Variants in PRIM1 observed in about 807,000 individuals in gnomAD.
The protein encoded by PRIM1 is DNA primase small subunit.
A neutral mutation model predicts 60.2 loss-of-function variants in PRIM1; 38 were observed. The ratio of observed to expected loss-of-function variants is 0.63; its 90% confidence interval spans 0.49 to 0.83. The LOEUF (loss-of-function observed/expected upper bound fraction) is 0.83. PRIM1 is among the 40% of genes least tolerant of loss of function. The pLI is 0.00. For missense variants in PRIM1, 388 were observed against 506.2 expected (o/e 0.77, Z 2.24); for synonymous variants, 158 against 160.2 (o/e 0.99, Z 0.10).
intron 1 of PRIM1, chr12:56,751,883 C>T (rs1220039521): frequency 5.4e-6 from 1 of 184,794 alleles, no homozygotes; most frequent in Non-Finnish European, 1.1e-5. Flanking sequence ...CACGCTACGC[C>T]CCAGTAACCC....
chr12:56,746,722 G>A (rs2958130), intron 4 of PRIM1, 59 bp downstream of exon 4: 808,575 of 1,263,336 alleles, frequency 0.64, 272,734 homozygotes, highest in South Asian at 0.74. Context: ...ATAGTTAATA[G>A]TAGTCAGAGG....
chr12:56,744,121 A>G lies in PRIM1; in HGVS notation c.582T>C (p.Gly194=). 1.9e-6 allele frequency: 3 copies of G among 1,555,202 alleles called. No individual in the cohort carries two copies. Among genetic ancestry groups the G allele is most frequent in the Non-Finnish European group, 1.7e-6 (2 of 1,145,844 alleles). Residue 194 remains glycine (G), a splice_region_variant and synonymous_variant, in exon 6 of 13, where the codon GGT becomes GGC. Transcript: ENST00000338193. ...GAACTTTCTTTTTAACGTCTTGACC[A>G]CCCTGAAAAATAAATCATTAAAAAA... is the stretch of plus-strand genomic sequence containing the variant. The part of the protein sequence containing the change: ...GIVEYLSLVK[G]GQDVKKKVHL...
intron 11 of PRIM1, among the ~76,000 whole-genome samples, 199 bp downstream of exon 11, chr12:56,738,235 A>G (rs1953847241): frequency 6.6e-6 from 1 of 152,238 alleles, no homozygotes; most frequent in Non-Finnish European, 1.5e-5. Flanking sequence ...AAAGTTACTT[A>G]GGAAATATGT....
chr12:56,752,295 C>A lies in PRIM1; in HGVS notation c.4G>T (p.Glu2Ter). 1 of 1,574,764 alleles carries A rather than the reference C, an allele frequency of 6.4e-7. No homozygotes were observed. Among genetic ancestry groups the A allele is most frequent in the South Asian group, 1.2e-5 (1 of 86,098 alleles). The change falls in exon 1 of 13, where the codon GAG (glutamate) becomes TAG (stop). Residue 2 changes from glutamate to a stop codon, truncating the protein, a stop_gained. Transcript: ENST00000338193. LOFTEE classifies it high-confidence loss of function. ...GGCAGCTCGGTGGGGTCAAACGTCT[C>A]CATTGAGCGCGGAACTCGCCACGGT... M[E>*]TFDPTELPEL...
At chr12:56,738,296 G>A in intron 11 of PRIM1, 138 bp downstream of exon 11, 1 of 1,224,434 alleles carries the variant, frequency 8.2e-7, no homozygotes, top group Middle Eastern at 2.4e-4. Flanking sequence ...GTTGAAGAAA[G>A]GACACAAACA....
chr12:56,749,780 T>C (rs559762073), intron 2 of PRIM1, among the ~76,000 whole-genome samples: 9 of 152,326 alleles, frequency 5.9e-5, no homozygotes, highest in African/African-American at 1.4e-4. Context: ...TAACAAGTTA[T>C]ATAACATGAA....
chr12:56,741,626 AT>A (rs1953872682), intron 8 of PRIM1, 50 bp from the exon 9 acceptor site: 3 of 1,584,292 alleles, frequency 1.9e-6, no homozygotes, highest in Non-Finnish European at 2.6e-6. Flanking sequence ...ACTGTTGAAG[AT>A]TTCTTTAAAG....
At chr12:56,735,387 C>T (rs111787795) in intron 11 of PRIM1, among the ~76,000 whole-genome samples, 4,979 of 151,446 alleles carry the variant, frequency 0.033, 287 homozygotes, top group African/African-American at 0.11. Flanking sequence ...CGTGAGCCAC[C>T]GTGCCCGGCC....
chr12:56,743,881 A>G, intron 6 of PRIM1, 184 bp downstream of exon 6: 1 of 450,554 alleles, frequency 2.2e-6, no homozygotes, highest in Non-Finnish European at 3.9e-6. Context: ...TTTTTTGAAG[A>G]GCAATGAGAA....
rs1592334805 is a variant in PRIM1 at position 56,745,656 on chromosome 12, T to C, written c.579+389A>G. Among the ~76,000 whole-genome samples, 2 of 152,268 alleles carry C rather than the reference T, an allele frequency of 1.3e-5. 1 individual carries two copies. Among genetic ancestry groups the C allele is most frequent in the South Asian group, 4.1e-4 (2 of 4,830 alleles). The stretch of plus-strand genomic sequence containing the variant: ...TGTGAATGCCATTAAAGATAAGTTT[T>C]AGGCCAGTGTGGTGGCTCATGTCTG... On this transcript the variant is annotated intron_variant, in intron 5 of 12. Coordinates refer to ENST00000338193, the MANE Select transcript of PRIM1 (RefSeq NM_000946.3).
At chr12:56,737,852 G>A (rs1953844404) in intron 11 of PRIM1, among the ~76,000 whole-genome samples, 1 of 152,152 alleles carries the variant, frequency 6.6e-6, no homozygotes, top group African/African-American at 2.4e-5. Flanking sequence ...AGCTTCCCGA[G>A]TAGCTGGGAT....
intron 1 of PRIM1, chr12:56,751,699 T>C (rs1359695406): frequency 6.5e-6 from 1 of 153,112 alleles, no homozygotes; most frequent in Non-Finnish European, 1.5e-5. Flanking sequence ...TACCATTCCG[T>C]ATTTGCTAGG....
chr12:56,744,083 T>A lies in PRIM1; in HGVS notation c.620A>T (p.Lys207Ile). The change falls in exon 6 of 13, where the codon AAA becomes ATA. Residue 207 changes from lysine (K) to isoleucine (I), a missense_variant. By Grantham distance (102) the Lys-to-Ile change is moderately radical. Around this residue, in one of 3 missense-constraint regions of PRIM1, gnomAD observed 211 missense variants for 277.9 expected, o/e 0.76. Transcript: ENST00000338193. ...AACAGACCTGATAAAAGGGTGAATT[T>A]TTTCACTTAGGTGAACTTTCTTTTT... is the stretch of plus-strand genomic sequence containing the variant. Reference protein sequence around the residue: ...DVKKKVHLSEKIHPFIRKSIN... With the variant: ...DVKKKVHLSEIIHPFIRKSIN... 1 of 1,573,932 alleles carries A rather than the reference T, an allele frequency of 6.4e-7. No homozygotes were observed. Among genetic ancestry groups the A allele is most frequent in the Non-Finnish European group, 8.6e-7 (1 of 1,157,774 alleles).
chr12:56,735,728 G>A (rs1488126094), intron 11 of PRIM1, among the ~76,000 whole-genome samples: 3 of 149,034 alleles, frequency 2.0e-5, no homozygotes, highest in African/African-American at 5.0e-5. Context: ...TCGGCTTATT[G>A]CAACCTCCAC....
In PRIM1 at chr12:56,732,955, A is replaced by G. The variant is rs192953239; in HGVS notation, c.1243+1192T>C. Among the ~76,000 whole-genome samples, 389 of 151,470 alleles carry G rather than the reference A, an allele frequency of 2.6e-3. 5 individuals are homozygous for G. Among genetic ancestry groups the G allele is most frequent in the East Asian group, 0.018 (91 of 5,152 alleles). The stretch of plus-strand genomic sequence containing the variant: ...CTGCAACCTCCACCTCCCAGCTTCA[A>G]GTGATTCTCCTGCCTCAGCCTCCCA... On this transcript the variant is annotated intron_variant, in intron 12 of 12. Transcript: ENST00000338193.
At chr12:56,734,882 G>A (rs1388007202) in intron 11 of PRIM1, among the ~76,000 whole-genome samples, 1 of 148,780 alleles carries the variant, frequency 6.7e-6, no homozygotes, top group African/African-American at 2.5e-5. Context: ...TGCGATCTCG[G>A]CTTACTGCAA....
chr12:56,741,993 C>T (rs897621762), intron 7 of PRIM1, 156 bp from the exon 8 acceptor site: 1 of 746,250 alleles, frequency 1.3e-6, no homozygotes, highest in African/African-American at 1.7e-5. Context: ...TGGCTCATGC[C>T]TGTACTCCCA....
intron 5 of PRIM1, 138 bp downstream of exon 5, chr12:56,745,907 C>G: frequency 2.2e-6 from 2 of 899,736 alleles, no homozygotes; most frequent in East Asian, 2.9e-5. Flanking sequence ...CCATTGCAGT[C>G]CAGCCTGGGC....
intron 12 of PRIM1, among the ~76,000 whole-genome samples, chr12:56,733,000 G>A (rs1237373072): frequency 2.2e-5 from 3 of 139,394 alleles, no homozygotes; most frequent in East Asian, 4.5e-4. Flanking sequence ...GATTACAGGC[G>A]CACAATACCA....
Sources: gnomAD v4.1 joint callset for allele counts (sites outside exome capture counted in the v4.1 genomes callset) on GRCh38, gnomAD v4.1.1 for gene constraint, gnomAD v4.1.1 regional missense constraint, MANE v1.5 for transcripts, NCBI Gene and HGNC (gene_info 2026-07-23, HGNC 2026-07-21) for gene names.